Variants in PGCKA1 observed in about 807,000 individuals in gnomAD.
PGCKA1 encodes PDCD10 and GCKIII kinases associated 1.
the PGCKA1 span, among the ~76,000 whole-genome samples, chr4:37,497,543 C>A: frequency 6.6e-6 from 1 of 152,220 alleles, no homozygotes; most frequent in East Asian, 1.9e-4. Flanking sequence ...CCAACATCTA[C>A]TGTTTTTTAT....
the PGCKA1 span, among the ~76,000 whole-genome samples, chr4:37,526,833 ATTAT>A: frequency 6.6e-6 from 1 of 152,126 alleles, no homozygotes; most frequent in Non-Finnish European, 1.5e-5. Flanking sequence ...TATACTTTTT[ATTAT>A]TTGAGAGAGT....
chr4:37,542,628 T>G, the PGCKA1 span, among the ~76,000 whole-genome samples: 1 of 152,232 alleles, frequency 6.6e-6, no homozygotes, highest in East Asian at 1.9e-4. Context: ...ATGTGGCTTT[T>G]GAGCACTTGA....
At chr4:37,555,036 C>T in the PGCKA1 span, among the ~76,000 whole-genome samples, 1 of 152,154 alleles carries the variant, frequency 6.6e-6, no homozygotes, top group African/African-American at 2.4e-5. Context: ...TAGCTGGCTC[C>T]ATCTCATCTT....
At chr4:37,590,994 T>C in the PGCKA1 span, 7 of 1,604,782 alleles carry the variant, frequency 4.4e-6, no homozygotes, top group African/African-American at 8.0e-5. Context: ...TGGATGAGAC[T>C]GATTAGGGGA....
At chr4:37,485,192 T>C in the PGCKA1 span, among the ~76,000 whole-genome samples, 2 of 152,164 alleles carry the variant, frequency 1.3e-5, no homozygotes, top group African/African-American at 4.8e-5. Context: ...GAAAACTTCC[T>C]GCTTGTTTTC....
chr4:37,535,668 C>T, the PGCKA1 span, among the ~76,000 whole-genome samples: 1 of 152,168 alleles, frequency 6.6e-6, no homozygotes, highest in Admixed American at 6.5e-5. Context: ...AACTGAAAAT[C>T]GCTATTTCAT....
At chr4:37,565,081 A>C in the PGCKA1 span, among the ~76,000 whole-genome samples, 1 of 152,234 alleles carries the variant, frequency 6.6e-6, no homozygotes, top group Non-Finnish European at 1.5e-5. Flanking sequence ...GAATAGGGAC[A>C]TAGCTTCTCA....
At chr4:37,525,127 C>T in the PGCKA1 span, among the ~76,000 whole-genome samples, 1 of 152,122 alleles carries the variant, frequency 6.6e-6, no homozygotes, top group African/African-American at 2.4e-5. Flanking sequence ...AGGAAAGGGA[C>T]ATCAATGGGT....
At chr4:37,568,638 A>G in the PGCKA1 span, among the ~76,000 whole-genome samples, 3,014 of 152,338 alleles carry the variant, frequency 0.02, 38 homozygotes, top group Non-Finnish European at 0.031. Flanking sequence ...GTGTGGACGT[A>G]GGACCCAGAG....
chr4:37,466,242 AATATT>A, the PGCKA1 span, among the ~76,000 whole-genome samples: 591 of 152,302 alleles, frequency 3.9e-3, 9 homozygotes, highest in African/African-American at 0.013. Context: ...TCGTTTCTGA[AATATT>A]ATATTTATAT....
the PGCKA1 span, among the ~76,000 whole-genome samples, chr4:37,546,977 C>T: frequency 1.3e-5 from 2 of 152,248 alleles, no homozygotes; most frequent in South Asian, 4.1e-4. Flanking sequence ...GTGGCCTGAT[C>T]ACCCACGGCA....
the PGCKA1 span, among the ~76,000 whole-genome samples, chr4:37,587,918 G>A: frequency 2.0e-5 from 3 of 152,190 alleles, no homozygotes; most frequent in Non-Finnish European, 2.9e-5. Flanking sequence ...GCAGTGAGCC[G>A]AGATTGCGCC....
At chr4:37,533,666 C>T in the PGCKA1 span, among the ~76,000 whole-genome samples, 1 of 152,184 alleles carries the variant, frequency 6.6e-6, no homozygotes, top group Non-Finnish European at 1.5e-5. Flanking sequence ...AACTAAAGAT[C>T]CTTCCAATAT....
chr4:37,466,053 A>G, the PGCKA1 span, among the ~76,000 whole-genome samples: 1 of 152,200 alleles, frequency 6.6e-6, no homozygotes, highest in Non-Finnish European at 1.5e-5. Context: ...TGTTGATGCA[A>G]GAGTGGGAGT....
the PGCKA1 span, among the ~76,000 whole-genome samples, chr4:37,547,121 G>A: frequency 1.3e-5 from 2 of 152,092 alleles, no homozygotes; most frequent in South Asian, 2.1e-4. Flanking sequence ...GCCTTTATCG[G>A]CACTTTGGTT....
chr4:37,558,118 T>C, the PGCKA1 span: 6 of 152,234 alleles, frequency 3.9e-5, no homozygotes, highest in African/African-American at 1.4e-4. Flanking sequence ...AGAAAATCTA[T>C]TCTCTTCACT....
At chr4:37,556,139 G>A in the PGCKA1 span, among the ~76,000 whole-genome samples, 2 of 152,132 alleles carry the variant, frequency 1.3e-5, no homozygotes, top group African/African-American at 4.8e-5. Flanking sequence ...ATTCTTTGTT[G>A]ACTAAATGAT....
chr4:37,481,464 CAAAAAAAAAAAAAAAAAA>C, the PGCKA1 span, among the ~76,000 whole-genome samples: 12 of 61,444 alleles, frequency 2.0e-4, no homozygotes, highest in African/African-American at 8.3e-4. Context: ...GACCTGTCTC[CAAAAAAAAAAAAAAAAAA>C]AAAAAAAAAA....
At chr4:37,557,956 T>C in the PGCKA1 span, 1 of 152,060 alleles carries the variant, frequency 6.6e-6, no homozygotes, top group Admixed American at 6.6e-5. Context: ...GCAGTCACAC[T>C]CACGATAATA....
Sources: allele counts gnomAD v4.1 joint callset (sites outside exome capture counted in the v4.1 genomes callset), GRCh38; gene constraint gnomAD v4.1.1; transcripts MANE v1.5; gene names NCBI Gene and HGNC (gene_info 2026-07-23, HGNC 2026-07-21).